Variants in HSD17B3 observed in about 807,000 individuals in gnomAD.
HSD17B3 encodes the protein 17-beta-hydroxysteroid dehydrogenase type 3.
Under a neutral mutation model 41.1 loss-of-function variants are expected in HSD17B3, and 29 were observed. The ratio of observed to expected loss-of-function variants is 0.71; its 90% CI spans 0.53 to 0.96. HSD17B3 has a LOEUF of 0.96. Ranked by LOEUF, HSD17B3 falls within the 40% of genes least tolerant of loss-of-function variation. The pLI is 0.00. For synonymous variants in HSD17B3, 126 were observed against 145.6 expected (o/e 0.87, Z 0.97); for missense variants, 323 against 374.6 (o/e 0.86, Z 1.14).
intron 2 of HSD17B3, among the ~76,000 whole-genome samples, chr9:96,280,108 G>A (rs1407883417): frequency 6.6e-6 from 1 of 152,132 alleles, no homozygotes; most frequent in East Asian, 1.9e-4. Context: ...GATATCAGCG[G>A]TGCTCAGCTG....
intron 10 of HSD17B3, among the ~76,000 whole-genome samples, chr9:96,237,507 A>C (rs1836278417): frequency 6.6e-6 from 1 of 152,218 alleles, no homozygotes. Flanking sequence ...CAAGCACGAC[A>C]GGGTCTCTGT....
intron 2 of HSD17B3, among the ~76,000 whole-genome samples, chr9:96,267,226 G>C (rs925958454): frequency 6.6e-6 from 1 of 150,810 alleles, no homozygotes; most frequent in South Asian, 2.1e-4. Flanking sequence ...GTGCAATCTC[G>C]GCTCACTGCA....
intron 2 of HSD17B3, among the ~76,000 whole-genome samples, chr9:96,262,717 C>T (rs1351706452): frequency 6.6e-6 from 1 of 152,014 alleles, no homozygotes; most frequent in African/African-American, 2.4e-5. Context: ...GCAAAAAGTG[C>T]GATTACTTTT....
intron 2 of HSD17B3, among the ~76,000 whole-genome samples, chr9:96,261,002 C>A (rs549763831): frequency 2.6e-5 from 4 of 152,060 alleles, no homozygotes; most frequent in Non-Finnish European, 5.9e-5. Flanking sequence ...TTTTTTATTC[C>A]CCCTCTCCTT....
intron 5 of HSD17B3, chr9:96,250,247 GGACACAGACACTAGCACAAACACA>G: frequency 9.0e-7 from 1 of 1,112,442 alleles, no homozygotes; most frequent in African/African-American, 1.6e-5. Flanking sequence ...ACAAGAGGAC[GGACACAGACACTAGCACAAACACA>G]GACACACACA....
intron 10 of HSD17B3, chr9:96,239,452 C>T (rs1020240142): frequency 1.3e-5 from 2 of 152,184 alleles, no homozygotes; most frequent in African/African-American, 4.8e-5. Flanking sequence ...AAAATAAAGA[C>T]TTTATATCCT....
chr9:96,251,295 A>G (rs1825392411), intron 5 of HSD17B3, 123 bp downstream of exon 5: 2 of 778,144 alleles, frequency 2.6e-6, no homozygotes, highest in South Asian at 2.9e-5. Context: ...CTCAATACAT[A>G]CAGTCCAGGA....
intron 8 of HSD17B3, 103 bp from the exon 9 acceptor site, chr9:96,244,497 A>G (rs1387940458): frequency 9.6e-7 from 1 of 1,041,018 alleles, no homozygotes; most frequent in Non-Finnish European, 1.5e-6. Context: ...TACCTGCTAG[A>G]CCTTAAAATA....
intron 2 of HSD17B3, among the ~76,000 whole-genome samples, chr9:96,266,735 G>T (rs1210586446): frequency 6.6e-6 from 1 of 152,128 alleles, no homozygotes; most frequent in Non-Finnish European, 1.5e-5. Context: ...GACTCAGGAG[G>T]CTTGGGTCAG....
Position 96,255,797 on chromosome 9 carries a change from C to G in HSD17B3, c.202-854G>C, listed in dbSNP as rs544480264. On this transcript the variant is annotated intron_variant, in intron 2 of 10. Transcript: ENST00000375263. ...TTCTGAGTCCCAACAGAAGAGAAAA[C>G]GGGACGGGGAGCACAGGGTAGAGAG... 7.9e-5 allele frequency among the ~76,000 whole-genome samples: 12 copies of G among 152,208 alleles called. No homozygotes were observed. The East Asian group carries it at 2.1e-3, about 27-fold the overall frequency.
intron 2 of HSD17B3, among the ~76,000 whole-genome samples, chr9:96,284,908 A>AGTCTTG (rs1826854252): frequency 1.3e-5 from 2 of 148,834 alleles, no homozygotes; most frequent in Non-Finnish European, 3.0e-5. Flanking sequence ...GCGTGATCCC[A>AGTCTTG]GCTCACTGCA....
chr9:96,249,655 ATCCTGC>A (rs1282938509), intron 6 of HSD17B3, 90 bp downstream of exon 6: 8 of 1,120,058 alleles, frequency 7.1e-6, no homozygotes, highest in Non-Finnish European at 1.1e-5. Context: ...ATTTCAAAGA[ATCCTGC>A]TTCTACAGTG....
At chr9:96,279,802 C>A (rs959724475) in intron 2 of HSD17B3, among the ~76,000 whole-genome samples, 1 of 151,422 alleles carries the variant, frequency 6.6e-6, no homozygotes, top group East Asian at 1.9e-4. Context: ...TGGAGTCTCG[C>A]TCTGTCACCC....
chr9:96,246,125 G>A (rs1836651980), intron 7 of HSD17B3, among the ~76,000 whole-genome samples: 1 of 152,186 alleles, frequency 6.6e-6, no homozygotes, highest in African/African-American at 2.4e-5. Flanking sequence ...TTGGAATAGG[G>A]TGACATAAAT....
At chr9:96,255,093 C>A in intron 2 of HSD17B3, 150 bp from the exon 3 acceptor site, 1 of 732,744 alleles carries the variant, frequency 1.4e-6, no homozygotes, top group Non-Finnish European at 2.4e-6. Context: ...TGTGACAAAG[C>A]TTTCTGGGCT....
At position 96,301,686 on chromosome 9, in the gene HSD17B3, G is replaced by A. The variant is rs8190486; in HGVS notation, c.154+265C>T. Reference sequence around the variant, plus strand: ...AGATCGCACTACTGCACTCCAGCCCGGGCAACAGAGTGAGACTCTGTCTCA... The same window carrying A: ...AGATCGCACTACTGCACTCCAGCCCAGGCAACAGAGTGAGACTCTGTCTCA... On this transcript the variant is annotated intron_variant, in intron 1 of 10. Coordinates refer to ENST00000375263, the MANE Select transcript of HSD17B3 (RefSeq NM_000197.2). Among the ~76,000 whole-genome samples the A allele has an allele frequency of 0.03, 4,526 of 148,806 alleles. 156 individuals are homozygous for A. The highest frequency in any genetic ancestry group is 0.074 in the African/African-American group (2,953 of 39,940).
At chr9:96,257,909 C>G (rs1825729287) in intron 2 of HSD17B3, among the ~76,000 whole-genome samples, 1 of 152,166 alleles carries the variant, frequency 6.6e-6, no homozygotes, top group South Asian at 2.1e-4. Context: ...AATAATCTTC[C>G]TGCCTCGGCC....
At chr9:96,289,880 G>A (rs574794173) in intron 2 of HSD17B3, among the ~76,000 whole-genome samples, 73 of 152,224 alleles carry the variant, frequency 4.8e-4, no homozygotes, top group African/African-American at 1.6e-3. Flanking sequence ...ATTCACTGCC[G>A]GGGCCCCATC....
At chr9:96,254,985 CAG>C in intron 2 of HSD17B3, 42 bp from the exon 3 acceptor site, 2 of 1,549,266 alleles carry the variant, frequency 1.3e-6, no homozygotes, top group Non-Finnish European at 1.8e-6. Context: ...GGATGATGAG[CAG>C]ACAGGGAGGG....
Sources: gnomAD v4.1 joint callset for allele counts (sites outside exome capture counted in the v4.1 genomes callset) on GRCh38, gnomAD v4.1.1 for gene constraint, MANE v1.5 for transcripts, NCBI Gene and HGNC (gene_info 2026-07-23, HGNC 2026-07-21) for gene names.